The following GABRG3 variants were observed in gnomAD, a reference collection of about 807,000 sequenced individuals.
The protein encoded by GABRG3 is gamma-aminobutyric acid type A receptor subunit gamma3.
GABRG3 carries 25 observed loss-of-function variants against 48.8 expected under a neutral mutation model. The ratio of observed to expected loss-of-function variants is 0.51; its 90% confidence interval spans 0.37 to 0.72. The LOEUF is 0.72. Among genes scored for constraint, GABRG3 ranks in the 30% least tolerant of loss-of-function variants. The pLI, the probability that GABRG3 is intolerant of heterozygous loss-of-function variation, is 0.00. For missense variants in GABRG3, 394 were observed against 577.9 expected (o/e 0.68, Z 3.26); for synonymous variants, 227 against 217.6 (o/e 1.04, Z -0.38).
Position 27,326,972 on chromosome 15 carries a change from CCA to C in GABRG3, c.438_439del (p.Pro147GlnfsTer9). Reference sequence around the variant, plus strand: ...AAAACCGCAGAGGCTCACTGGATCACCACACCCAATCAGCTCCTCCGGATTTG... The same window carrying C: ...AAAACCGCAGAGGCTCACTGGATCACCACCCAATCAGCTCCTCCGGATTTG... On this transcript the variant is annotated frameshift_variant, in exon 4 of 10. Transcript: ENST00000615808. LOFTEE classifies it high-confidence loss of function. 1 of 1,613,990 alleles carries C rather than the reference CCA, an allele frequency of 6.2e-7. No homozygotes were observed. Among genetic ancestry groups the C allele is most frequent in the Non-Finnish European group, 8.5e-7 (1 of 1,179,900 alleles).
chr15:27,351,350 G>T (rs897252865), intron 5 of GABRG3, among the ~76,000 whole-genome samples: 1 of 145,976 alleles, frequency 6.9e-6, no homozygotes, highest in African/African-American at 2.6e-5. Context: ...GTATATGTGT[G>T]TATGTGTGAG....
intron 3 of GABRG3, among the ~76,000 whole-genome samples, chr15:27,325,970 T>TCTTA (rs1893600232): frequency 6.6e-6 from 1 of 152,162 alleles, no homozygotes; most frequent in Admixed American, 6.6e-5. Context: ...TCTACATCCT[T>TCTTA]CTTACCATGA....
chr15:27,093,791 G>T (rs1165278792), intron 3 of GABRG3, among the ~76,000 whole-genome samples: 1 of 152,098 alleles, frequency 6.6e-6, no homozygotes, highest in African/African-American at 2.4e-5. Context: ...AGAAGGTATT[G>T]ACACTATTGC....
chr15:27,063,925 C>T lies in GABRG3; in HGVS notation c.270+37104C>T, dbSNP rs1896694128. 3.9e-5 allele frequency among the ~76,000 whole-genome samples: 6 copies of T among 152,232 alleles called. No homozygotes were observed. In the South Asian group the frequency reaches 1.2e-3, roughly 32 times the overall value. On this transcript the variant is annotated intron_variant, in intron 3 of 9. Transcript: ENST00000615808. ...CTTCTCCTTTTGCCTCCTTTCCTGA[C>T]ATGGGTGTCATTTCAGGGTTGACAT...
chr15:27,293,382 T>C (rs1891858616), intron 3 of GABRG3, among the ~76,000 whole-genome samples: 1 of 151,922 alleles, frequency 6.6e-6, no homozygotes, highest in Non-Finnish European at 1.5e-5. Flanking sequence ...GAGAGAACAA[T>C]TAGAGGTTAA....
At chr15:27,379,124 A>G (rs1895689153) in intron 5 of GABRG3, among the ~76,000 whole-genome samples, 1 of 152,172 alleles carries the variant, frequency 6.6e-6, no homozygotes, top group African/African-American at 2.4e-5. Flanking sequence ...CTCAAATGTC[A>G]TCTCTTCTTT....
chr15:27,506,100 A>G lies in GABRG3; in HGVS notation c.713-13872A>G, dbSNP rs74530009. ...TGTTGCCCCACTACCTTCATTCCTGATATTGGTAATTTGTGTCTTATCTCT... is the reference window on the plus strand; with the variant it reads ...TGTTGCCCCACTACCTTCATTCCTGGTATTGGTAATTTGTGTCTTATCTCT... On this transcript the variant is annotated intron_variant, in intron 6 of 9. Transcript: ENST00000615808. 7.9e-3 allele frequency among the ~76,000 whole-genome samples: 1,201 copies of G among 152,162 alleles called. 16 individuals are homozygous for G. Among genetic ancestry groups the G allele is most frequent in the African/African-American group, 0.027 (1,107 of 41,496 alleles).
Position 27,527,926 on chromosome 15 carries a change from C to A in GABRG3, c.1063-7C>A. 6.4e-7 allele frequency: 1 copy of A among 1,568,760 alleles called. No homozygotes were observed. Among genetic ancestry groups the A allele is most frequent in the Non-Finnish European group, 8.7e-7 (1 of 1,153,122 alleles). On this transcript the variant is annotated splice_polypyrimidine_tract_variant and splice_region_variant and intron_variant, in intron 8 of 9. Transcript: ENST00000615808. Reference sequence around the variant, plus strand: ...TTTCCTAGTTATTTTTTCTTCTTTTCTTGTAGTTACTACATCCAGATTCCT... The same window carrying A: ...TTTCCTAGTTATTTTTTCTTCTTTTATTGTAGTTACTACATCCAGATTCCT...
intron 3 of GABRG3, among the ~76,000 whole-genome samples, chr15:27,151,816 A>T (rs891447936): frequency 4.6e-5 from 7 of 152,204 alleles, no homozygotes; most frequent in African/African-American, 1.4e-4. Context: ...CGCCTCCAGA[A>T]GGAGCACTGT....
chr15:27,357,746 T>C (rs1483013781), intron 5 of GABRG3, among the ~76,000 whole-genome samples: 1 of 152,242 alleles, frequency 6.6e-6, no homozygotes, highest in East Asian at 1.9e-4. Context: ...GAGCTGGATA[T>C]GAAAATGGAT....
intron 3 of GABRG3, among the ~76,000 whole-genome samples, chr15:27,091,068 TC>T (rs1325747108): frequency 1.3e-5 from 2 of 152,252 alleles, no homozygotes; most frequent in Non-Finnish European, 2.9e-5. Flanking sequence ...CTTGTCTCGT[TC>T]CTGTTCTTAA....
At chr15:27,022,300 T>G (rs1183162516) in intron 2 of GABRG3, among the ~76,000 whole-genome samples, 1 of 152,198 alleles carries the variant, frequency 6.6e-6, no homozygotes, top group East Asian at 1.9e-4. Context: ...GCCAGGCTTC[T>G]TCTCTTCTTC....
chr15:27,508,236 C>G (rs927577772), intron 6 of GABRG3, among the ~76,000 whole-genome samples: 2 of 152,160 alleles, frequency 1.3e-5, no homozygotes, highest in Non-Finnish European at 2.9e-5. Context: ...TTTCCTTTCC[C>G]TCTTGCTACT....
intron 5 of GABRG3, among the ~76,000 whole-genome samples, chr15:27,432,954 T>G (rs1201702415): frequency 1.3e-5 from 2 of 152,218 alleles, no homozygotes; most frequent in Non-Finnish European, 2.9e-5. Context: ...TCCCCCAGTT[T>G]CCAAGAACAT....
chr15:27,303,900 G>A (rs763579739), intron 3 of GABRG3, among the ~76,000 whole-genome samples: 1 of 151,264 alleles, frequency 6.6e-6, no homozygotes, highest in Admixed American at 6.6e-5. Flanking sequence ...AGCACCAAGT[G>A]GAATTTAAAC....
At chr15:27,314,301 A>G (rs976163120) in intron 3 of GABRG3, among the ~76,000 whole-genome samples, 1 of 152,196 alleles carries the variant, frequency 6.6e-6, no homozygotes, top group Non-Finnish European at 1.5e-5. Flanking sequence ...GCCAACAGGT[A>G]TATGAAAAGA....
At chr15:27,379,698 A>C (rs186146511) in intron 5 of GABRG3, among the ~76,000 whole-genome samples, 19 of 152,238 alleles carry the variant, frequency 1.2e-4, no homozygotes, top group Non-Finnish European at 2.1e-4. Flanking sequence ...AGAATGCTAG[A>C]TGGGTGGATT....
intron 3 of GABRG3, among the ~76,000 whole-genome samples, chr15:27,116,366 A>G (rs537977337): frequency 2.0e-5 from 3 of 152,196 alleles, no homozygotes; most frequent in South Asian, 2.1e-4. Flanking sequence ...TTTGACTTTT[A>G]TATATTTTTT....
intron 5 of GABRG3, among the ~76,000 whole-genome samples, chr15:27,376,371 C>T (rs1269838840): frequency 6.6e-6 from 1 of 152,230 alleles, no homozygotes; most frequent in Admixed American, 6.5e-5. Context: ...CCATGGCCCT[C>T]TTCTCACAGC....
Sources: allele counts gnomAD v4.1 joint callset (sites outside exome capture counted in the v4.1 genomes callset), GRCh38; gene constraint gnomAD v4.1.1; transcripts MANE v1.5; gene names NCBI Gene and HGNC (gene_info 2026-07-23, HGNC 2026-07-21).